Variants in GRM7 observed in about 807,000 individuals in gnomAD.
The protein encoded by GRM7 is glutamate metabotropic receptor 7, also known as metabotropic glutamate receptor 7.
In GRM7, 35 loss-of-function variants were observed where a neutral mutation model predicts 84.5. The observed-to-expected ratio is 0.41, with a 90% CI of 0.32 to 0.55. The LOEUF (loss-of-function observed/expected upper bound fraction) is 0.55, where lower values mean the gene tolerates loss of function less well. GRM7 is among the 20% of genes least tolerant of loss of function. GRM7 has a pLI of 0.19. For missense variants in GRM7, 1,003 were observed against 1,194.6 expected (o/e 0.84, Z 2.36); for synonymous variants, 487 against 455.1 (o/e 1.07, Z -0.89).
intron 8 of GRM7, among the ~76,000 whole-genome samples, chr3:7,623,871 G>A (rs1384256863): frequency 6.6e-6 from 1 of 152,158 alleles, no homozygotes; most frequent in African/African-American, 2.4e-5. Flanking sequence ...GAGAAAAGAA[G>A]GGGAAACCTC....
At chr3:7,087,784 A>G (rs1397450908) in intron 1 of GRM7, among the ~76,000 whole-genome samples, 1 of 152,172 alleles carries the variant, frequency 6.6e-6, no homozygotes, top group Non-Finnish European at 1.5e-5. Flanking sequence ...TCTGTAACAT[A>G]CCAATGATAC....
intron 2 of GRM7, among the ~76,000 whole-genome samples, chr3:7,207,147 C>T (rs1250355801): frequency 6.6e-6 from 1 of 152,176 alleles, no homozygotes; most frequent in East Asian, 1.9e-4. Flanking sequence ...CACTACTGCC[C>T]AAGTGAGCTT....
intron 1 of GRM7, among the ~76,000 whole-genome samples, chr3:7,131,759 A>T (rs1559460756): frequency 6.6e-6 from 1 of 152,168 alleles, no homozygotes. Context: ...TGCTGGGATT[A>T]CAGGCGTGAG....
At chr3:6,901,501 G>C (rs1462763802) in intron 1 of GRM7, among the ~76,000 whole-genome samples, 1 of 150,366 alleles carries the variant, frequency 6.7e-6, no homozygotes, top group African/African-American at 2.4e-5. Flanking sequence ...AGGAGGCTGA[G>C]GCAGGAGAAT....
intron 2 of GRM7, among the ~76,000 whole-genome samples, chr3:7,280,352 A>G (rs1699213538): frequency 6.6e-6 from 1 of 152,212 alleles, no homozygotes; most frequent in Non-Finnish European, 1.5e-5. Context: ...TTCCCTGGTA[A>G]CAGTTTTCTC....
chr3:7,507,493 G>T (rs1575429431), intron 7 of GRM7, among the ~76,000 whole-genome samples: 1 of 152,162 alleles, frequency 6.6e-6, no homozygotes, highest in Non-Finnish European at 1.5e-5. Flanking sequence ...AGATTTGTCA[G>T]ACTAAAGAAA....
In GRM7 at chr3:7,101,935, A is replaced by G. The variant is rs981659387; in HGVS notation, c.520-44517A>G. On this transcript the variant is annotated intron_variant, in intron 1 of 9. Transcript: ENST00000357716. ...TTCATAAATGGCATTGTACTACTTC[A>G]CTTAAAATGTAAGAGAATTGCAAAA... 9.9e-5 allele frequency among the ~76,000 whole-genome samples: 15 copies of G among 151,214 alleles called. No individual in the cohort carries two copies. The Admixed American group carries it at 9.9e-4, about 10-fold the overall frequency.
intron 5 of GRM7, among the ~76,000 whole-genome samples, chr3:7,427,877 G>A (rs1696676201): frequency 6.6e-6 from 1 of 152,202 alleles, no homozygotes; most frequent in Admixed American, 6.6e-5. Flanking sequence ...CAGGCTCATG[G>A]TCAGTCGCTG....
chr3:7,264,063 C>G (rs1226271867), intron 2 of GRM7, among the ~76,000 whole-genome samples: 1 of 152,000 alleles, frequency 6.6e-6, no homozygotes, highest in Non-Finnish European at 1.5e-5. Flanking sequence ...CATAATTCAC[C>G]AGCACAGGAG....
intron 9 of GRM7, among the ~76,000 whole-genome samples, chr3:7,723,573 C>T (rs1345154514): frequency 6.6e-6 from 1 of 152,160 alleles, no homozygotes; most frequent in Non-Finnish European, 1.5e-5. Flanking sequence ...GGCACAATGG[C>T]ACACTTGGCT....
intron 6 of GRM7, among the ~76,000 whole-genome samples, chr3:7,456,547 A>G (rs374485229): frequency 7.4e-6 from 1 of 135,438 alleles, no homozygotes; most frequent in East Asian, 3.4e-4. Context: ...GTTATACTTG[A>G]GACACAGGAC....
intron 1 of GRM7, among the ~76,000 whole-genome samples, chr3:7,141,169 T>C (rs983127795): frequency 6.6e-6 from 1 of 151,980 alleles, no homozygotes; most frequent in Non-Finnish European, 1.5e-5. Context: ...GAAAACTAAC[T>C]GAATCATTAT....
At chr3:7,534,065 A>G (rs941367569) in intron 7 of GRM7, among the ~76,000 whole-genome samples, 36 of 141,758 alleles carry the variant, frequency 2.5e-4, no homozygotes, top group African/African-American at 9.6e-4. Flanking sequence ...CCAAGGCTGG[A>G]GTGCAGTAGC....
intron 8 of GRM7, among the ~76,000 whole-genome samples, chr3:7,669,822 G>A (rs1338215662): frequency 6.6e-6 from 1 of 152,172 alleles, no homozygotes; most frequent in Non-Finnish European, 1.5e-5. Context: ...ATCTGCCTTG[G>A]CAGGATGGGC....
At chr3:7,341,011 A>T (rs1701617180) in intron 4 of GRM7, among the ~76,000 whole-genome samples, 1 of 152,156 alleles carries the variant, frequency 6.6e-6, no homozygotes, top group Admixed American at 6.6e-5. Flanking sequence ...AGGAAACAAG[A>T]TCAAACACAT....
chr3:7,543,350 A>T (rs1300084298), intron 7 of GRM7, among the ~76,000 whole-genome samples: 1 of 152,182 alleles, frequency 6.6e-6, no homozygotes, highest in Non-Finnish European at 1.5e-5. Context: ...GGTGGTGGAG[A>T]TGACAATGAG....
chr3:7,694,663 T>C (rs1373118998), intron 9 of GRM7, among the ~76,000 whole-genome samples: 1 of 152,182 alleles, frequency 6.6e-6, no homozygotes, highest in African/African-American at 2.4e-5. Context: ...TTCATTTAAT[T>C]TCATAACACA....
intron 1 of GRM7, among the ~76,000 whole-genome samples, chr3:7,006,918 A>G (rs1042723609): frequency 1.3e-5 from 2 of 152,362 alleles, no homozygotes; most frequent in Non-Finnish European, 2.9e-5. Flanking sequence ...ATAACGATAA[A>G]TAAAGCATAT....
At chr3:7,625,382 C>T (rs148455411) in intron 8 of GRM7, among the ~76,000 whole-genome samples, 6 of 152,118 alleles carry the variant, frequency 3.9e-5, no homozygotes, top group African/African-American at 7.2e-5. Context: ...GCAAGCAACT[C>T]GTACAGGGGA....
Sources: gnomAD v4.1 joint callset for allele counts (sites outside exome capture counted in the v4.1 genomes callset) on GRCh38, gnomAD v4.1.1 for gene constraint, MANE v1.5 for transcripts, NCBI Gene and HGNC (gene_info 2026-07-23, HGNC 2026-07-21) for gene names.